MIA3: variants seen among roughly 807,000 people sequenced by gnomAD.
The protein encoded by MIA3 is transport and Golgi organization protein 1 homolog.
A neutral mutation model predicts 192.4 loss-of-function variants in MIA3; 90 were observed. The observed-to-expected ratio is 0.47, with a 90% CI of 0.39 to 0.56. MIA3 has a LOEUF of 0.56. Ranked by LOEUF, MIA3 falls within the 20% of genes least tolerant of loss-of-function variation. The pLI is 0.00. For synonymous variants in MIA3, 740 were observed against 792.8 expected (o/e 0.93, Z 1.12); for missense variants, 2,123 against 2,269.4 (o/e 0.94, Z 1.31).
At position 222,628,644 on chromosome 1, in the gene MIA3, A is replaced by C. The variant is rs1182142989; in HGVS notation, c.1424A>C (p.Lys475Thr). Residue 475 changes from lysine (K) to threonine (T), a missense_variant, in exon 4 of 28, where the codon AAG becomes ACG. Coordinates refer to ENST00000344922, the MANE Select transcript of MIA3 (RefSeq NM_198551.4). ...KGKGRGVQESKRGLVQDKTEL... is the reference protein window; with the variant it reads ...KGKGRGVQESTRGLVQDKTEL... ...AAAGGGAGGGGAGTTCAGGAATCCA[A>C]GAGGGGCCTGGTACAAGATAAGACA... is the stretch of plus-strand genomic sequence containing the variant. 6.2e-7 allele frequency: 1 copy of C among 1,614,056 alleles called. No individual in the cohort carries two copies. Among genetic ancestry groups the C allele is most frequent in the South Asian group, 1.1e-5 (1 of 91,070 alleles).
intron 6 of MIA3, among the ~76,000 whole-genome samples, chr1:222,644,742 G>T (rs1482824759): frequency 6.6e-6 from 1 of 152,034 alleles, no homozygotes; most frequent in African/African-American, 2.4e-5. Flanking sequence ...AGGGAGGCAG[G>T]TGGGAGTGTG....
In MIA3 at chr1:222,633,264, G is replaced by GTT. The variant is rs372385470; in HGVS notation, c.3477+23_3477+24dup. 4.5e-6 allele frequency: 7 copies of GTT among 1,551,138 alleles called. No homozygotes were observed. Among genetic ancestry groups the GTT allele is most frequent in the South Asian group, 1.2e-5 (1 of 84,552 alleles). ...TAACTAAGTCGGTAAGTTTAACATAGTTTTTTTTTAACTAAAATGTTGATT... is the reference window on the plus strand; with the variant it reads ...TAACTAAGTCGGTAAGTTTAACATAGTTTTTTTTTTTAACTAAAATGTTGATT... On this transcript the variant is annotated intron_variant, in intron 6 of 27. Coordinates refer to ENST00000344922, the MANE Select transcript of MIA3 (RefSeq NM_198551.4).
intron 6 of MIA3, among the ~76,000 whole-genome samples, chr1:222,635,402 G>A (rs1472951284): frequency 6.6e-6 from 1 of 152,190 alleles, no homozygotes; most frequent in African/African-American, 2.4e-5. Flanking sequence ...TGACAGACAT[G>A]AATGGCAAGA....
rs200789891 is a variant in MIA3 at position 222,650,396 on chromosome 1, GT to G, written c.3720+30del. 187,368 of 1,189,446 alleles carry G rather than the reference GT, an allele frequency of 0.16. 5,580 individuals are homozygous for G. The highest frequency in any genetic ancestry group is 0.33 in the African/African-American group (19,170 of 58,284). The allele number at this position is 1,189,446 out of a possible 1,614,324, so 73.7% of individuals were successfully genotyped here. A position where few individuals can be genotyped will look rare whatever the true frequency, so the allele number is the denominator to read the frequency against. On this transcript the variant is annotated intron_variant, in intron 9 of 27. Coordinates refer to ENST00000344922, the MANE Select transcript of MIA3 (RefSeq NM_198551.4). The stretch of plus-strand genomic sequence containing the variant: ...TGAACAGAAGGTATGATTATTCTTT[GT>G]TTTTTTTTTTTTTCATGGTCCCAGC...
Position 222,665,676 on chromosome 1 carries a change from A to T in MIA3, c.*57A>T. 1 of 1,338,186 alleles carries T rather than the reference A, an allele frequency of 7.5e-7. No individual in the cohort carries two copies. Among genetic ancestry groups the T allele is most frequent in the Non-Finnish European group, 9.9e-7 (1 of 1,009,690 alleles). The allele number at this position is 1,338,186 out of a possible 1,614,324, so 82.9% of individuals were successfully genotyped here. A position where few individuals can be genotyped will look rare whatever the true frequency, so the allele number is the denominator to read the frequency against. On this transcript the variant is annotated 3_prime_UTR_variant, in exon 28 of 28. Transcript: ENST00000344922. ...AAGTGTACTGTGCATTATCCATTACAGTAAAGGATTTCATTGGCTTCAAAA... is the reference window on the plus strand; with the variant it reads ...AAGTGTACTGTGCATTATCCATTACTGTAAAGGATTTCATTGGCTTCAAAA...
At chr1:222,665,132 G>A in intron 27 of MIA3, 177 bp from the exon 28 acceptor site, 1 of 575,510 alleles carries the variant, frequency 1.7e-6, no homozygotes, top group South Asian at 2.1e-5. Context: ...CCGGGAGATT[G>A]AGGCTGCAGT....
rs1055692951 is a variant in MIA3, at chr1:222,648,885, T to A, written c.3631+35T>A. The A allele has an allele frequency of 3.8e-6, 5 of 1,322,170 alleles. No homozygotes were observed. In the African/African-American group the frequency reaches 7.3e-5, roughly 19 times the overall value. 81.9% of individuals were successfully genotyped at this position (1,322,170 alleles called of 1,614,324 possible). A position where few individuals can be genotyped will look rare whatever the true frequency, so the allele number is the denominator to read the frequency against. Reference sequence around the variant, plus strand: ...TAGGCTTTTTTGTTATTTGTACTAGTCCCTCTGTATTGGTGTTTGATATGG... The same window carrying A: ...TAGGCTTTTTTGTTATTTGTACTAGACCCTCTGTATTGGTGTTTGATATGG... On this transcript the variant is annotated intron_variant, in intron 8 of 27. Coordinates refer to ENST00000344922, the MANE Select transcript of MIA3 (RefSeq NM_198551.4).
At chr1:222,634,062 G>A (rs946183293) in intron 6 of MIA3, among the ~76,000 whole-genome samples, 5 of 152,100 alleles carry the variant, frequency 3.3e-5, no homozygotes, top group African/African-American at 9.7e-5. Context: ...GGTTGGTCTC[G>A]AACTCCTGAG....
Position 222,645,573 on chromosome 1 carries a change from A to T in MIA3, c.3497A>T (p.Asp1166Val), listed in dbSNP as rs758450204. ...LTKSLVATLP[D>V]DVQPGPDFYG... The stretch of plus-strand genomic sequence containing the variant: ...ATTCAGCTAGTTGCTACATTGCCTG[A>T]TGATGTTCAGCCTGGGCCTGATTTT... Residue 1166 changes from aspartate to valine, a missense_variant, in exon 7 of 28, where the codon GAT becomes GTT. Asp to Val is a radical substitution (Grantham distance 152, BLOSUM62 -3). This residue lies in a region of MIA3 where 1,357 missense variants were observed against 1,396.1 expected (regional missense o/e 0.97). Coordinates refer to ENST00000344922, the MANE Select transcript of MIA3 (RefSeq NM_198551.4). The T allele has an allele frequency of 1.2e-6, 2 of 1,612,052 alleles. No homozygotes were observed. The highest frequency in any genetic ancestry group is 1.7e-6 in the Non-Finnish European group (2 of 1,178,946).
At chr1:222,622,467 C>T (rs1311273502) in intron 2 of MIA3, among the ~76,000 whole-genome samples, 1 of 150,742 alleles carries the variant, frequency 6.6e-6, no homozygotes, top group Non-Finnish European at 1.5e-5. Flanking sequence ...ACCAAACAAA[C>T]AAAGAGAAAA....
intron 4 of MIA3, among the ~76,000 whole-genome samples, chr1:222,630,770 C>T (rs1179999106): frequency 1.3e-5 from 2 of 152,162 alleles, no homozygotes; most frequent in Admixed American, 1.3e-4. Flanking sequence ...ACTGGTATAA[C>T]TTTTAGATCA....
Position 222,664,154 on chromosome 1 carries a change from A to T in MIA3, c.5413+6A>T, listed in dbSNP as rs371856722. 12 of 1,613,930 alleles carry T rather than the reference A, an allele frequency of 7.4e-6. No homozygotes were observed. The Admixed American group carries it at 1.5e-4, about 20-fold the overall frequency. ...GCCACTTCCTCCACCCTTTGGTAAG[A>T]TGATCTGAACAGTAGTAATTGACTT... On this transcript the variant is annotated splice_donor_region_variant and intron_variant, in intron 27 of 27. Transcript: ENST00000344922.
intron 21 of MIA3, 35 bp downstream of exon 21, chr1:222,659,692 C>T: frequency 6.2e-7 from 1 of 1,613,640 alleles, no homozygotes; most frequent in Non-Finnish European, 8.5e-7. Context: ...TTATTTTGTG[C>T]ATAGTCTCCC....
chr1:222,619,513 A>G (rs1661764287), intron 1 of MIA3, among the ~76,000 whole-genome samples: 1 of 152,334 alleles, frequency 6.6e-6, no homozygotes, highest in Admixed American at 6.5e-5. Flanking sequence ...CCTAGAGATA[A>G]CCCTGTGGTT....
At chr1:222,624,706 G>T (rs775032876) in intron 2 of MIA3, 62 bp from the exon 3 acceptor site, 3 of 799,146 alleles carry the variant, frequency 3.8e-6, no homozygotes, top group Non-Finnish European at 6.6e-6. Context: ...CAGCTCTATC[G>T]TTCATATTTC....
rs1325764972 is a variant in MIA3, at chr1:222,650,807, A to G, written c.3813A>G (p.Thr1271=). 1.2e-6 allele frequency: 2 copies of G among 1,607,240 alleles called. No individual in the cohort carries two copies. Among genetic ancestry groups the G allele is most frequent in the South Asian group, 1.1e-5 (1 of 89,704 alleles). The change falls in exon 11 of 28, where the codon ACA becomes ACG. Residue 1271 remains threonine, a synonymous_variant. Transcript: ENST00000344922. ...EAIKYKDKIK[T]LEKNQEILDD... ...CTTTTTTGTAGGATAAAATCAAGAC[A>G]CTTGAAAAAAATCAGGAAATTCTGG...
At position 222,628,406 on chromosome 1, in the gene MIA3, G is replaced by A. The variant is rs1358179273; in HGVS notation, c.1186G>A (p.Glu396Lys). ...CTTCTCTATTGTCACAGGAGGTGAA[G>A]AAACAAGAGATACGATGGATTTAGA... ...TIFSIVTGGE[E>K]TRDTMDLESS... is the part of the protein sequence containing the mutation. Residue 396 changes from glutamate to lysine, a missense_variant, in exon 4 of 28, where the codon GAA becomes AAA. Transcript: ENST00000344922. 1 of 1,613,778 alleles carries A rather than the reference G, an allele frequency of 6.2e-7. No homozygotes were observed. The highest frequency in any genetic ancestry group is 1.3e-5 in the African/African-American group (1 of 74,888).
At chr1:222,640,064 GA>G (rs1309409584) in intron 6 of MIA3, among the ~76,000 whole-genome samples, 1 of 152,086 alleles carries the variant, frequency 6.6e-6, no homozygotes, top group Non-Finnish European at 1.5e-5. Flanking sequence ...TGAACAATTG[GA>G]AATTGAAGTT....
Position 222,660,241 on chromosome 1 carries a change from A to G in MIA3, c.5040A>G (p.Pro1680=). The part of the protein sequence containing the change: ...SPVSGGECSP[P]LTVEPPVRPL... ...TGAGTGGTGGAGAATGCTCCCCTCC[A>G]TTGACAGTGGAGCCACCCGTGAGAC... Residue 1680 remains proline (P), a synonymous_variant, in exon 24 of 28, where the codon CCA becomes CCG. Coordinates refer to ENST00000344922, the MANE Select transcript of MIA3 (RefSeq NM_198551.4). 1 of 1,613,816 alleles carries G rather than the reference A, an allele frequency of 6.2e-7. No homozygotes were observed. Among genetic ancestry groups the G allele is most frequent in the Non-Finnish European group, 8.5e-7 (1 of 1,179,688 alleles).
Sources: allele counts gnomAD v4.1 joint callset (sites outside exome capture counted in the v4.1 genomes callset), GRCh38; gene constraint gnomAD v4.1.1; regional missense constraint gnomAD v4.1.1; transcripts MANE v1.5; gene names NCBI Gene and HGNC (gene_info 2026-07-23, HGNC 2026-07-21).